SMAP1: variants seen among roughly 807,000 people sequenced by gnomAD.
SMAP1 encodes small ArfGAP 1.
SMAP1 carries 24 observed loss-of-function variants against 58.5 expected under a neutral mutation model. The ratio of observed to expected loss-of-function variants is 0.41; its 90% CI spans 0.30 to 0.58. The LOEUF is 0.58. Among genes scored for constraint, SMAP1 ranks in the 20% least tolerant of loss-of-function variants. SMAP1 has a pLI of 0.29. For missense variants in SMAP1, 563 were observed against 566.3 expected, an observed-to-expected ratio of 0.99 and a Z score of 0.06; for synonymous variants, 216 against 196.6, an observed-to-expected ratio of 1.10 and a Z score of -0.82.
chr6:70,779,805 C>T (rs1212802064), intron 4 of SMAP1, among the ~76,000 whole-genome samples: 3 of 152,118 alleles, frequency 2.0e-5, no homozygotes, highest in East Asian at 1.9e-4. Context: ...GAATGTTTTG[C>T]GTGATGATCT....
chr6:70,768,483 G>T (rs970985500), intron 3 of SMAP1, among the ~76,000 whole-genome samples: 17 of 152,164 alleles, frequency 1.1e-4, no homozygotes, highest in African/African-American at 3.6e-4. Context: ...TCTTGGGAGG[G>T]TGTATGTGTC....
intron 1 of SMAP1, among the ~76,000 whole-genome samples, chr6:70,721,376 C>G (rs1768520440): frequency 6.6e-6 from 1 of 152,188 alleles, no homozygotes; most frequent in African/African-American, 2.4e-5. Flanking sequence ...TCACCTTACT[C>G]CAGTTCCCAA....
chr6:70,737,747 G>T (rs1357795120), intron 2 of SMAP1, among the ~76,000 whole-genome samples: 1 of 152,112 alleles, frequency 6.6e-6, no homozygotes, highest in Non-Finnish European at 1.5e-5. Context: ...ATTAAATTCT[G>T]TGAGATAACG....
At chr6:70,705,884 G>A (rs1486753665) in intron 1 of SMAP1, among the ~76,000 whole-genome samples, 3 of 152,184 alleles carry the variant, frequency 2.0e-5, no homozygotes, top group African/African-American at 7.2e-5. Flanking sequence ...ATAGCCATAA[G>A]CGTCTGATTG....
intron 2 of SMAP1, among the ~76,000 whole-genome samples, chr6:70,740,846 G>T (rs1582093719): frequency 6.6e-6 from 1 of 152,140 alleles, no homozygotes; most frequent in East Asian, 1.9e-4. Context: ...CCATGTGGCT[G>T]GGGAGGCCTC....
intron 6 of SMAP1, among the ~76,000 whole-genome samples, chr6:70,823,134 A>G (rs1175892467): frequency 4.6e-5 from 7 of 152,206 alleles, no homozygotes; most frequent in East Asian, 3.8e-4. Flanking sequence ...GAGTATGGCT[A>G]TGATGCTTGA....
In SMAP1 at chr6:70,834,078, G is replaced by C. The variant is rs145445417; in HGVS notation, c.577-2863G>C. ...TTTCCAAATTGTTTGCAGTAGTTCT[G>C]AGGGTGGGAGTTGGGATTACTAGAG... On this transcript the variant is annotated intron_variant, in intron 6 of 10. Coordinates refer to ENST00000370455, the MANE Select transcript of SMAP1 (RefSeq NM_001044305.3). Among the ~76,000 whole-genome samples the C allele has an allele frequency of 3.8e-3, 573 of 152,308 alleles. 5 individuals carry two copies. Among genetic ancestry groups the C allele is most frequent in the African/African-American group, 0.013 (547 of 41,564 alleles).
intron 6 of SMAP1, among the ~76,000 whole-genome samples, chr6:70,808,017 AAATC>A (rs999161444): frequency 4.0e-5 from 6 of 151,866 alleles, no homozygotes; most frequent in African/African-American, 1.2e-4. Flanking sequence ...AAGCTAGAGA[AAATC>A]AGAAAGAAGA....
chr6:70,681,860 A>G (rs1000553740), intron 1 of SMAP1, among the ~76,000 whole-genome samples: 1 of 152,158 alleles, frequency 6.6e-6, no homozygotes, highest in South Asian at 2.1e-4. Flanking sequence ...AGGATTTTCT[A>G]TTAGGTGCTA....
In SMAP1 at chr6:70,701,666, C is replaced by T. The variant is rs143175768; in HGVS notation, c.119-30712C>T. 3.6e-3 allele frequency among the ~76,000 whole-genome samples: 553 copies of T among 152,280 alleles called. 2 individuals carry two copies. Among genetic ancestry groups the T allele is most frequent in the African/African-American group, 0.013 (529 of 41,548 alleles). ...AGGACAGAGTTTCAATGCCAAGTCC[C>T]ACAATCACTGCGTTCTCCCTTCCCC... On this transcript the variant is annotated intron_variant, in intron 1 of 10. Coordinates refer to ENST00000370455, the MANE Select transcript of SMAP1 (RefSeq NM_001044305.3).
At chr6:70,691,317 G>A (rs1463055428) in intron 1 of SMAP1, among the ~76,000 whole-genome samples, 2 of 151,692 alleles carry the variant, frequency 1.3e-5, no homozygotes, top group Non-Finnish European at 2.9e-5. Flanking sequence ...AAATTTTTAT[G>A]GGTACATATA....
chr6:70,699,151 G>A (rs572421642), intron 1 of SMAP1, among the ~76,000 whole-genome samples: 13 of 152,318 alleles, frequency 8.5e-5, no homozygotes, highest in Admixed American at 2.0e-4. Flanking sequence ...CTTGCAGACC[G>A]GTAGAGGTAC....
chr6:70,777,264 G>A (rs1767584304), intron 4 of SMAP1, among the ~76,000 whole-genome samples: 1 of 152,090 alleles, frequency 6.6e-6, no homozygotes, highest in African/African-American at 2.4e-5. Context: ...TACCTCAGAT[G>A]GAAATGCAGA....
intron 6 of SMAP1, among the ~76,000 whole-genome samples, chr6:70,814,611 G>A (rs961420117): frequency 3.3e-5 from 5 of 152,070 alleles, no homozygotes; most frequent in South Asian, 2.1e-4. Context: ...AGTCTCCTGA[G>A]TATACCATCT....
At chr6:70,730,046 C>T (rs776275633) in intron 1 of SMAP1, among the ~76,000 whole-genome samples, 31 of 152,018 alleles carry the variant, frequency 2.0e-4, no homozygotes, top group Non-Finnish European at 4.1e-4. Context: ...CTGTGCATTT[C>T]TGCTTCCCTT....
intron 6 of SMAP1, among the ~76,000 whole-genome samples, chr6:70,800,074 T>TA (rs1768779684): frequency 2.6e-5 from 4 of 152,156 alleles, no homozygotes; most frequent in Admixed American, 2.6e-4. Flanking sequence ...ATTTTACATT[T>TA]AAAAAATGAA....
At chr6:70,756,729 C>G (rs1453060124) in intron 3 of SMAP1, among the ~76,000 whole-genome samples, 1 of 152,096 alleles carries the variant, frequency 6.6e-6, no homozygotes, top group Non-Finnish European at 1.5e-5. Flanking sequence ...CAATAACAGA[C>G]AAACAGAGAG....
chr6:70,829,862 T>A (rs192367395), intron 6 of SMAP1, among the ~76,000 whole-genome samples: 1 of 152,276 alleles, frequency 6.6e-6, no homozygotes, highest in Admixed American at 6.5e-5. Context: ...GAATAGTGAA[T>A]CACCTTCTAG....
chr6:70,711,963 G>A (rs1015305301), intron 1 of SMAP1, among the ~76,000 whole-genome samples: 1 of 152,082 alleles, frequency 6.6e-6, no homozygotes, highest in African/African-American at 2.4e-5. Context: ...TTCCAATTCT[G>A]TGTTCAATAG....
Sources: gnomAD v4.1 joint callset for allele counts (sites outside exome capture counted in the v4.1 genomes callset) on GRCh38, gnomAD v4.1.1 for gene constraint, MANE v1.5 for transcripts, NCBI Gene and HGNC (gene_info 2026-07-23, HGNC 2026-07-21) for gene names.